The following PCDHGB4 variants were observed in gnomAD, a reference collection of about 807,000 sequenced individuals.
PCDHGB4 encodes the protein protocadherin gamma subfamily B, 4.
PCDHGB4 carries 38 observed loss-of-function variants against 60.5 expected under a neutral mutation model. The observed-to-expected ratio is 0.63, with a 90% CI of 0.48 to 0.82. The LOEUF is 0.82. Ranked by LOEUF, PCDHGB4 falls within the 40% of genes least tolerant of loss-of-function variation. The pLI is 0.00. For missense variants in PCDHGB4, 1,109 were observed against 1,209.6 expected, an observed-to-expected ratio of 0.92 and a Z score of 1.23; for synonymous variants, 456 against 509.7, an observed-to-expected ratio of 0.89 and a Z score of 1.42.
intron 1 of PCDHGB4, chr5:141,412,306 A>G (rs1160364599): frequency 1.3e-5 from 2 of 152,238 alleles, no homozygotes; most frequent in Non-Finnish European, 2.9e-5. Flanking sequence ...TCTCATTACA[A>G]TGCAAACAGT....
At chr5:141,418,130 G>A in intron 1 of PCDHGB4, 3 of 1,614,106 alleles carry the variant, frequency 1.9e-6, no homozygotes, top group Non-Finnish European at 2.5e-6. Flanking sequence ...GGACCGAATA[G>A]ACCGTGAGCA....
rs570982273 is a variant in PCDHGB4, at chr5:141,476,764, G to T, written c.2398-18043G>T. On this transcript the variant is annotated intron_variant, in intron 1 of 3. Coordinates refer to ENST00000519479, the MANE Select transcript of PCDHGB4 (RefSeq NM_003736.4). This position sits in a 1 kb window ranked among gnomAD's most constrained non-coding sequence, Gnocchi z 7.6. ...CTAGTCTCCAGTTAGTGCTGACGGC[G>T]TTGGACGGAGGGACCCCAGCTCTCT... 1.2e-5 allele frequency: 19 copies of T among 1,613,794 alleles called. No individual in the cohort carries two copies. In the East Asian group the frequency reaches 3.8e-4, roughly 32 times the overall value.
chr5:141,400,003 C>T, intron 1 of PCDHGB4: 5 of 1,612,396 alleles, frequency 3.1e-6, no homozygotes, highest in Non-Finnish European at 4.2e-6. Flanking sequence ...GCGCACAGCG[C>T]GTGCCTTGGG....
rs773474154 is a variant in PCDHGB4, at chr5:141,477,751, G to A, written c.2398-17056G>A. The A allele has an allele frequency of 5.0e-6, 8 of 1,613,712 alleles. No individual in the cohort carries two copies. The highest frequency in any genetic ancestry group is 6.8e-6 in the Non-Finnish European group (8 of 1,180,030). ...CTCATATCAGCGATGGGGGCACCCC[G>A]GTCCTAGCCACCAACATCAGCGTGA... On this transcript the variant is annotated intron_variant, in intron 1 of 3. Transcript: ENST00000519479. The surrounding 1 kb of genome is among the most constrained non-coding windows in gnomAD (Gnocchi z 4.9).
Position 141,387,711 on chromosome 5 carries a change from C to T in PCDHGB4, c.-174C>T. The T allele has an allele frequency of 9.6e-7, 1 of 1,041,396 alleles. No homozygotes were observed. Among genetic ancestry groups the T allele is most frequent in the Non-Finnish European group, 1.4e-6 (1 of 730,726 alleles). 64.5% of individuals were successfully genotyped at this position (1,041,396 alleles called of 1,614,324 possible). ...AGCGCGCTTTCCAGGGCAGCCCCAG[C>T]TCAGACTCCCCAGCGCCAGCCTTTA... On this transcript the variant is annotated 5_prime_UTR_variant, in exon 1 of 4. Coordinates refer to ENST00000519479, the MANE Select transcript of PCDHGB4 (RefSeq NM_003736.4).
Position 141,491,756 on chromosome 5 carries a change from C to T in PCDHGB4, c.2398-3051C>T. The T allele has an allele frequency of 1.3e-6, 2 of 1,581,720 alleles. No individual in the cohort carries two copies. Among genetic ancestry groups the T allele is most frequent in the Non-Finnish European group, 8.6e-7 (1 of 1,165,100 alleles). ...CCTGGGGGCGGCACTGGAGAAGCCG[C>T]CCGTCCTCATAAGGGATTGAACTTG... On this transcript the variant is annotated intron_variant, in intron 1 of 3. Coordinates refer to ENST00000519479, the MANE Select transcript of PCDHGB4 (RefSeq NM_003736.4). This position sits in a 1 kb window ranked among gnomAD's most constrained non-coding sequence, Gnocchi z 6.9.
At chr5:141,502,134 C>T (rs566073996) in intron 2 of PCDHGB4, among the ~76,000 whole-genome samples, 10 of 152,288 alleles carry the variant, frequency 6.6e-5, no homozygotes, top group African/African-American at 2.2e-4. Flanking sequence ...AGAGCTCAGT[C>T]GGGCCGGAAG....
chr5:141,396,962 T>C (rs2150689685), intron 1 of PCDHGB4, among the ~76,000 whole-genome samples: 1 of 152,308 alleles, frequency 6.6e-6, no homozygotes, highest in South Asian at 2.1e-4. Flanking sequence ...ATCCTTACTC[T>C]CCCTAAAAAT....
chr5:141,481,730 G>A (rs778885944), intron 1 of PCDHGB4, among the ~76,000 whole-genome samples: 1 of 151,952 alleles, frequency 6.6e-6, no homozygotes, highest in African/African-American at 2.4e-5. Context: ...GAGGCGGGCG[G>A]ATCACGAGGT....
At chr5:141,408,702 T>C (rs769871063) in intron 1 of PCDHGB4, 6 of 1,613,208 alleles carry the variant, frequency 3.7e-6, no homozygotes, top group South Asian at 3.3e-5. Flanking sequence ...ATAAACTCAA[T>C]TAAAGATTAT....
In PCDHGB4 at chr5:141,512,267, G is replaced by C. The variant is rs2099884152; in HGVS notation, c.*1094G>C. On this transcript the variant is annotated 3_prime_UTR_variant, in exon 4 of 4. Coordinates refer to ENST00000519479, the MANE Select transcript of PCDHGB4 (RefSeq NM_003736.4). ...GCCTCTGTGGGTGCTGGGTACTCCA[G>C]AGGTGCCACTGGTGGAAGGGTCAGC... 2.6e-5 allele frequency: 4 copies of C among 152,744 alleles called. No homozygotes were observed. Among genetic ancestry groups the C allele is most frequent in the Admixed American group, 2.6e-4 (4 of 15,290 alleles). 9.5% of individuals were successfully genotyped at this position (152,744 alleles called of 1,614,324 possible). A position where few individuals can be genotyped will look rare whatever the true frequency, so the allele number is the denominator to read the frequency against.
intron 1 of PCDHGB4, chr5:141,441,988 A>G: frequency 3.7e-6 from 1 of 269,936 alleles, no homozygotes; most frequent in Non-Finnish European, 7.3e-6. Flanking sequence ...ATGCGCACCG[A>G]CGAGGTGCTG....
In PCDHGB4 at chr5:141,486,184, A is replaced by G. The variant is rs2099625756; in HGVS notation, c.2398-8623A>G. 8 of 1,614,014 alleles carry G rather than the reference A, an allele frequency of 5.0e-6. No homozygotes were observed. Among genetic ancestry groups the G allele is most frequent in the Non-Finnish European group, 6.8e-6 (8 of 1,180,026 alleles). On this transcript the variant is annotated intron_variant, in intron 1 of 3. Transcript: ENST00000519479. This position sits in a 1 kb window ranked among gnomAD's most constrained non-coding sequence, Gnocchi z 5.0. ...CCATGGAGCAACATTGCAGCCTTCG[A>G]GTGGATCTGCTGGACGTAAATGACA...
At chr5:141,500,959 C>T (rs2099804326) in intron 2 of PCDHGB4, among the ~76,000 whole-genome samples, 1 of 152,022 alleles carries the variant, frequency 6.6e-6, no homozygotes, top group South Asian at 2.1e-4. Flanking sequence ...AGCTCCACCT[C>T]CTGGGTTCAA....
chr5:141,485,358 G>T lies in PCDHGB4; in HGVS notation c.2398-9449G>T. 1.2e-6 allele frequency: 2 copies of T among 1,614,100 alleles called. No individual in the cohort carries two copies. Among genetic ancestry groups the T allele is most frequent in the Non-Finnish European group, 1.7e-6 (2 of 1,180,006 alleles). On this transcript the variant is annotated intron_variant, in intron 1 of 3. Coordinates refer to ENST00000519479, the MANE Select transcript of PCDHGB4 (RefSeq NM_003736.4). This position sits in a 1 kb window ranked among gnomAD's most constrained non-coding sequence, Gnocchi z 5.7. ...CTGGATACGGACAGTCTGTCAGCTC[G>T]CAGGCTGCAGGTCGCTGGAGAGGTG...
At chr5:141,409,796 C>T (rs750405889) in intron 1 of PCDHGB4, 1 of 1,611,944 alleles carries the variant, frequency 6.2e-7, no homozygotes, top group Non-Finnish European at 8.5e-7. Context: ...CGCGCTCACG[C>T]TGCAGGCCCG....
Position 141,510,938 on chromosome 5 carries a change from T to A in PCDHGB4, c.2546-9T>A. 1 of 1,614,026 alleles carries A rather than the reference T, an allele frequency of 6.2e-7. No homozygotes were observed. Among genetic ancestry groups the A allele is most frequent in the Non-Finnish European group, 8.5e-7 (1 of 1,179,984 alleles). ...TTAGCTCCCACCTGATCTTCCTCTG[T>A]CTCTGCAGAAGCTGCTGATGGGAGC... On this transcript the variant is annotated splice_polypyrimidine_tract_variant and intron_variant, in intron 3 of 3. Coordinates refer to ENST00000519479, the MANE Select transcript of PCDHGB4 (RefSeq NM_003736.4).
At chr5:141,427,573 T>C in intron 1 of PCDHGB4, 1 of 667,160 alleles carries the variant, frequency 1.5e-6, no homozygotes, top group Non-Finnish European at 2.8e-6. Context: ...AAGCCTCCGC[T>C]CTCATCCAGC....
In PCDHGB4 at chr5:141,389,152, C is replaced by T. The variant is rs1176301501; in HGVS notation, c.1268C>T (p.Thr423Ile). 1.2e-6 allele frequency: 2 copies of T among 1,614,022 alleles called. No individual in the cohort carries two copies. The highest frequency in any genetic ancestry group is 2.2e-5 in the South Asian group (2 of 91,082). The change falls in exon 1 of 4, where the codon ACA becomes ATA. Residue 423 changes from threonine to isoleucine, a missense_variant. This residue lies in a region of PCDHGB4 where 1,068 missense variants were observed against 1,089.9 expected (regional missense o/e 0.98). Transcript: ENST00000519479. ...GAGTACAATATAACCGTTACGGCAA[C>T]AGATCGGGGCAAGCCTCCCCTCTCC... ...NPEYNITVTA[T>I]DRGKPPLSSS...
Sources: allele counts gnomAD v4.1 joint callset (sites outside exome capture counted in the v4.1 genomes callset), GRCh38; gene constraint gnomAD v4.1.1; regional missense constraint gnomAD v4.1.1; non-coding constraint Gnocchi (gnomAD v3.1); transcripts MANE v1.5; gene names NCBI Gene and HGNC (gene_info 2026-07-23, HGNC 2026-07-21).